Variants in POT1 observed in about 807,000 individuals in gnomAD.
The protein encoded by POT1 is protection of telomeres protein 1.
POT1 carries 47 observed loss-of-function variants against 78.5 expected under a neutral mutation model. The ratio of observed to expected loss-of-function variants is 0.60; its 90% CI spans 0.47 to 0.76. The LOEUF is 0.76. Among genes scored for constraint, POT1 ranks in the 30% least tolerant of loss-of-function variants. The pLI, the probability that POT1 is intolerant of heterozygous loss-of-function variation, is 0.00. For synonymous variants in POT1, 259 were observed against 260.7 expected (o/e 0.99, Z 0.06); for missense variants, 646 against 749.9 (o/e 0.86, Z 1.62).
rs1584745478 is a variant in POT1 at position 124,823,965 on chromosome 7, G to C, written c.1902C>G (p.Ile634Met). ...TATGCTAAATTGGATGGCAATATTAGATTACATCTTCTGCAACTGTGGTGT... is the reference window on the plus strand; with the variant it reads ...TATGCTAAATTGGATGGCAATATTACATTACATCTTCTGCAACTGTGGTGT... ...IFDTTVAEDVI is the reference protein window; with the variant it reads ...IFDTTVAEDVM The change falls in exon 19 of 19, where the codon ATC becomes ATG. Residue 634 changes from isoleucine (I) to methionine (M), a missense_variant. Coordinates refer to ENST00000357628, the MANE Select transcript of POT1 (RefSeq NM_015450.3). 6.4e-7 allele frequency: 1 copy of C among 1,558,684 alleles called. No homozygotes were observed. The highest frequency in any genetic ancestry group is 2.3e-5 in the East Asian group (1 of 44,392).
At chr7:124,904,729 T>C (rs946681737) in intron 3 of POT1, among the ~76,000 whole-genome samples, 13 of 152,198 alleles carry the variant, frequency 8.5e-5, no homozygotes, top group African/African-American at 2.9e-4. Flanking sequence ...GATGACATGA[T>C]TATATGTTTA....
intron 2 of POT1, among the ~76,000 whole-genome samples, chr7:124,920,420 G>A (rs897918671): frequency 2.0e-5 from 3 of 152,150 alleles, no homozygotes; most frequent in African/African-American, 7.2e-5. Context: ...AGTGGTTAGA[G>A]TTGGCAAAAC....
In POT1 at chr7:124,896,986, T is replaced by C. The variant is rs115367394; in HGVS notation, c.9+179A>G. Among the ~76,000 whole-genome samples the C allele has an allele frequency of 0.017, 2,595 of 151,890 alleles. 72 individuals carry two copies. The highest frequency in any genetic ancestry group is 0.059 in the African/African-American group (2,446 of 41,516). ...CAGATATTGATTACTAGGTAAAATA[T>C]ATAACTCTAATATAACATTATCAGC... On this transcript the variant is annotated intron_variant, in intron 5 of 18. Transcript: ENST00000357628.
intron 18 of POT1, among the ~76,000 whole-genome samples, chr7:124,824,701 T>G (rs1455486124): frequency 6.6e-6 from 1 of 152,068 alleles, no homozygotes; most frequent in Non-Finnish European, 1.5e-5. Context: ...AGTTTCAACA[T>G]AAGTACAAAT....
intron 9 of POT1, among the ~76,000 whole-genome samples, chr7:124,855,125 G>A (rs1795412513): frequency 6.7e-6 from 1 of 150,088 alleles, no homozygotes; most frequent in Non-Finnish European, 1.5e-5. Flanking sequence ...AATATGAGAG[G>A]GGGGCTTTAC....
rs183358043 is a variant in POT1, at chr7:124,924,976, G to T, written c.-227+3839C>A. Among the ~76,000 whole-genome samples, 88 of 151,788 alleles carry T rather than the reference G, an allele frequency of 5.8e-4. 1 individual carries two copies. Among genetic ancestry groups the T allele is most frequent in the South Asian group, 1.9e-3 (9 of 4,798 alleles). On this transcript the variant is annotated intron_variant, in intron 2 of 18. Coordinates refer to ENST00000357628, the MANE Select transcript of POT1 (RefSeq NM_015450.3). ...AGGAACATCCCTCAACATAATAAAG[G>T]TCATGTATGACAAATCCACAGCCAA...
intron 6 of POT1, among the ~76,000 whole-genome samples, chr7:124,872,150 T>C (rs1049973257): frequency 6.6e-6 from 1 of 152,194 alleles, no homozygotes; most frequent in Admixed American, 6.5e-5. Flanking sequence ...CATGTTGTTG[T>C]AAATGACAGA....
chr7:124,846,904 A>G (rs745536840), intron 12 of POT1, 38 bp downstream of exon 12: 1 of 1,421,948 alleles, frequency 7.0e-7, no homozygotes, highest in Admixed American at 1.7e-5. Context: ...TATTATGCTC[A>G]TTACTGTGCC....
At chr7:124,885,708 G>C (rs1303718826) in intron 6 of POT1, among the ~76,000 whole-genome samples, 2 of 152,076 alleles carry the variant, frequency 1.3e-5, no homozygotes, top group Admixed American at 1.3e-4. Flanking sequence ...GGAGCTTGCA[G>C]TGAGCTAAGA....
Position 124,867,345 on chromosome 7 carries a change from T to C in POT1, c.255+3566A>G, listed in dbSNP as rs536571167. Among the ~76,000 whole-genome samples, 3 of 152,264 alleles carry C rather than the reference T, an allele frequency of 2.0e-5. No homozygotes were observed. In the South Asian group the frequency reaches 6.2e-4, roughly 32 times the overall value. On this transcript the variant is annotated intron_variant, in intron 7 of 18. Coordinates refer to ENST00000357628, the MANE Select transcript of POT1 (RefSeq NM_015450.3). ...AAAATTTGAACCAATAATTTCATGT[T>C]CACATTTAAAACCCTCTAATGACTT...
At chr7:124,895,566 A>G (rs1422629322) in intron 5 of POT1, among the ~76,000 whole-genome samples, 1 of 151,564 alleles carries the variant, frequency 6.6e-6, no homozygotes, top group Non-Finnish European at 1.5e-5. Context: ...TCCTTCATTC[A>G]TTCATTGATG....
At chr7:124,902,137 C>T (rs539612564) in intron 3 of POT1, among the ~76,000 whole-genome samples, 1 of 152,252 alleles carries the variant, frequency 6.6e-6, no homozygotes, top group South Asian at 2.1e-4. Context: ...TCCAATCCAG[C>T]AAGGCAGGCC....
In POT1 at chr7:124,858,882, T is replaced by C. The variant is rs535255183; in HGVS notation, c.702+75A>G. On this transcript the variant is annotated intron_variant, in intron 9 of 18. Transcript: ENST00000357628. Reference sequence around the variant, plus strand: ...TATCACCTATACATGTAACCATATATAAAAAATTTACATGAGCAAAAATCA... The same window carrying C: ...TATCACCTATACATGTAACCATATACAAAAAATTTACATGAGCAAAAATCA... 39 of 1,132,234 alleles carry C rather than the reference T, an allele frequency of 3.4e-5. No individual in the cohort carries two copies. The East Asian group carries it at 9.4e-4, about 27-fold the overall frequency. 70.1% of individuals were successfully genotyped at this position (1,132,234 alleles called of 1,614,324 possible).
At chr7:124,863,309 G>A (rs1200630377) in intron 8 of POT1, 41 bp downstream of exon 8, 1 of 1,551,566 alleles carries the variant, frequency 6.4e-7, no homozygotes, top group East Asian at 2.2e-5. Context: ...AGACATGTAA[G>A]TGGTGCTAAC....
intron 9 of POT1, among the ~76,000 whole-genome samples, chr7:124,854,390 G>A (rs1001120709): frequency 6.6e-6 from 1 of 151,794 alleles, no homozygotes; most frequent in Admixed American, 6.5e-5. Context: ...GCATTTAGGA[G>A]AATTCTGGAC....
At chr7:124,879,066 T>C (rs1796057505) in intron 6 of POT1, among the ~76,000 whole-genome samples, 1 of 152,130 alleles carries the variant, frequency 6.6e-6, no homozygotes, top group Non-Finnish European at 1.5e-5. Context: ...ATTTATATAA[T>C]CTAAACTCTT....
intron 18 of POT1, among the ~76,000 whole-genome samples, chr7:124,824,540 T>TA (rs1794584189): frequency 6.6e-6 from 1 of 152,048 alleles, no homozygotes; most frequent in Admixed American, 6.6e-5. Context: ...GTAACTATTA[T>TA]AAGATGCAAA....
chr7:124,835,074 C>T (rs564044153), intron 15 of POT1, among the ~76,000 whole-genome samples: 2 of 152,198 alleles, frequency 1.3e-5, no homozygotes, highest in Admixed American at 6.5e-5. Context: ...AGGGGAACAT[C>T]ACACACCAGG....
chr7:124,919,381 T>C (rs1366265665), intron 2 of POT1, among the ~76,000 whole-genome samples: 1 of 152,120 alleles, frequency 6.6e-6, no homozygotes, highest in African/African-American at 2.4e-5. Context: ...AATGAATTAG[T>C]ATAGATATAA....
Sources: allele counts gnomAD v4.1 joint callset (sites outside exome capture counted in the v4.1 genomes callset), GRCh38; gene constraint gnomAD v4.1.1; transcripts MANE v1.5; gene names NCBI Gene and HGNC (gene_info 2026-07-23, HGNC 2026-07-21).